Variants in VOPP1 observed in about 807,000 individuals in gnomAD.
VOPP1 encodes the protein VOPP1 WW domain binding protein.
In VOPP1, 8 loss-of-function variants were observed where a neutral mutation model predicts 23.5. The ratio of observed to expected loss-of-function variants is 0.34; its 90% CI spans 0.20 to 0.61. The LOEUF (loss-of-function observed/expected upper bound fraction) is 0.61, where lower values mean the gene tolerates loss of function less well. Among genes scored for constraint, VOPP1 ranks in the 20% least tolerant of loss-of-function variants. The probability of loss-of-function intolerance (pLI) is 0.78; values close to 1 mark genes in which losing one functional copy is unlikely to be tolerated. For missense variants in VOPP1, 174 were observed against 238.1 expected (o/e 0.73, Z 1.77); for synonymous variants, 83 against 97.3 (o/e 0.85, Z 0.86).
intron 1 of VOPP1, among the ~76,000 whole-genome samples, chr7:55,552,216 T>C (rs888070779): frequency 6.6e-6 from 1 of 152,130 alleles, no homozygotes; most frequent in Middle Eastern, 3.2e-3. Flanking sequence ...ACTGAGGGAC[T>C]GGGTAAGATG....
chr7:55,449,898 T>G (rs980081223), intron 4 of VOPP1, among the ~76,000 whole-genome samples: 3 of 152,124 alleles, frequency 2.0e-5, no homozygotes, highest in East Asian at 3.9e-4. Context: ...CCAGAGACCT[T>G]TAAGTACAAA....
intron 2 of VOPP1, among the ~76,000 whole-genome samples, chr7:55,502,313 A>G (rs1794423309): frequency 6.6e-6 from 1 of 152,214 alleles, no homozygotes; most frequent in Non-Finnish European, 1.5e-5. Flanking sequence ...TACAACATCT[A>G]TGTGCTCTAG....
intron 4 of VOPP1, among the ~76,000 whole-genome samples, chr7:55,449,785 C>T (rs539561192): frequency 1.3e-4 from 20 of 152,246 alleles, no homozygotes; most frequent in African/African-American, 3.4e-4. Context: ...ACTGTGCCCT[C>T]TACCGCCCCT....
At chr7:55,500,322 A>G (rs1794278133) in intron 2 of VOPP1, among the ~76,000 whole-genome samples, 1 of 152,260 alleles carries the variant, frequency 6.6e-6, no homozygotes, top group Admixed American at 6.5e-5. Context: ...GCTTTGAAAT[A>G]GTATTAATAG....
At chr7:55,457,897 T>G (rs1307224015) in intron 4 of VOPP1, among the ~76,000 whole-genome samples, 1 of 152,216 alleles carries the variant, frequency 6.6e-6, no homozygotes, top group Admixed American at 6.5e-5. Context: ...ACAGATTGTC[T>G]CTTCACTCTG....
chr7:55,552,925 C>A (rs752585974), intron 1 of VOPP1: 2 of 952,244 alleles, frequency 2.1e-6, no homozygotes, highest in Non-Finnish European at 2.9e-6. Context: ...CTGCTAGCTG[C>A]AAATTGCTGA....
At chr7:55,548,178 G>A (rs1234375394) in intron 1 of VOPP1, among the ~76,000 whole-genome samples, 1 of 152,196 alleles carries the variant, frequency 6.6e-6, no homozygotes, top group Non-Finnish European at 1.5e-5. Flanking sequence ...TACACATGTT[G>A]TATTCTACTC....
At chr7:55,528,819 CAAAT>C (rs1796331645) in intron 1 of VOPP1, among the ~76,000 whole-genome samples, 2 of 151,976 alleles carry the variant, frequency 1.3e-5, no homozygotes, top group African/African-American at 4.8e-5. Context: ...TGTACTCAAA[CAAAT>C]ACAGAGTCAG....
intron 2 of VOPP1, among the ~76,000 whole-genome samples, chr7:55,511,760 C>G (rs1448918824): frequency 6.6e-6 from 1 of 152,194 alleles, no homozygotes; most frequent in East Asian, 1.9e-4. Flanking sequence ...TCCGGATGAA[C>G]CAATGTACTT....
At chr7:55,479,287 T>C (rs1413707857) in intron 4 of VOPP1, among the ~76,000 whole-genome samples, 1 of 152,044 alleles carries the variant, frequency 6.6e-6, no homozygotes, top group African/African-American at 2.4e-5. Flanking sequence ...GTATATCTCC[T>C]AACGCTATCC....
Position 55,570,642 on chromosome 7 carries a change from C to T in VOPP1, c.54+1629G>A, listed in dbSNP as rs1798316142. On this transcript the variant is annotated intron_variant, in intron 1 of 4. Coordinates refer to ENST00000285279, the MANE Select transcript of VOPP1 (RefSeq NM_030796.5). ...AACGCTAAATAATTTCATCAAGTGC[C>T]GATTAAAAAAGATTGCAGGGCCGGG... 2.6e-5 allele frequency among the ~76,000 whole-genome samples: 4 copies of T among 151,974 alleles called. No individual in the cohort carries two copies. In the South Asian group the frequency reaches 8.3e-4, roughly 32 times the overall value.
chr7:55,465,283 T>C (rs1382842611), intron 4 of VOPP1, among the ~76,000 whole-genome samples: 1 of 152,120 alleles, frequency 6.6e-6, no homozygotes, highest in Non-Finnish European at 1.5e-5. Flanking sequence ...CCCATATAAG[T>C]AGTGAGGGAA....
intron 1 of VOPP1, among the ~76,000 whole-genome samples, chr7:55,541,763 T>G (rs565214302): frequency 1.1e-4 from 16 of 152,320 alleles, no homozygotes; most frequent in African/African-American, 3.8e-4. Context: ...TATTTAGCAA[T>G]GAAAATGAAG....
At chr7:55,456,759 T>C (rs940295060) in intron 4 of VOPP1, among the ~76,000 whole-genome samples, 2 of 151,498 alleles carry the variant, frequency 1.3e-5, no homozygotes, top group African/African-American at 2.4e-5. Context: ...TGAAAACACA[T>C]GGACACAGGG....
chr7:55,474,892 G>A (rs1383889025), intron 4 of VOPP1, among the ~76,000 whole-genome samples: 1 of 152,234 alleles, frequency 6.6e-6, no homozygotes, highest in African/African-American at 2.4e-5. Flanking sequence ...GGTGCACCAG[G>A]AGCCAGGGCA....
At chr7:55,526,283 C>G (rs1034255238) in intron 1 of VOPP1, among the ~76,000 whole-genome samples, 4 of 152,190 alleles carry the variant, frequency 2.6e-5, no homozygotes, top group Non-Finnish European at 5.9e-5. Flanking sequence ...CTCTGGACGC[C>G]CGTGGTTCAA....
chr7:55,535,614 G>A (rs377484657), intron 1 of VOPP1, among the ~76,000 whole-genome samples: 1 of 152,304 alleles, frequency 6.6e-6, no homozygotes, highest in African/African-American at 2.4e-5. Flanking sequence ...TTCCACCAAC[G>A]GAGCCTCAGC....
At chr7:55,506,595 C>A (rs552133680) in intron 2 of VOPP1, among the ~76,000 whole-genome samples, 2 of 151,698 alleles carry the variant, frequency 1.3e-5, no homozygotes, top group Non-Finnish European at 2.9e-5. Flanking sequence ...TCTTGGCCTC[C>A]TAAAGTGCTG....
intron 4 of VOPP1, among the ~76,000 whole-genome samples, chr7:55,456,011 C>T (rs568166129): frequency 6.6e-6 from 1 of 152,224 alleles, no homozygotes; most frequent in African/African-American, 2.4e-5. Flanking sequence ...TCAGAGTGAA[C>T]AGGCAACCTA....
Sources: gnomAD v4.1 joint callset for allele counts (sites outside exome capture counted in the v4.1 genomes callset) on GRCh38, gnomAD v4.1.1 for gene constraint, MANE v1.5 for transcripts, NCBI Gene and HGNC (gene_info 2026-07-23, HGNC 2026-07-21) for gene names.